Variants in CEP350 observed in about 807,000 individuals in gnomAD.
CEP350 encodes centrosome-associated protein 350.
CEP350 carries 126 observed loss-of-function variants against 331.8 expected under a neutral mutation model. The ratio of observed to expected loss-of-function variants is 0.38; its 90% CI spans 0.33 to 0.44. The LOEUF is 0.44. Among genes scored for constraint, CEP350 ranks in the 20% least tolerant of loss-of-function variants. CEP350 has a pLI of 1.00. For missense variants in CEP350, 3,406 were observed against 3,634.6 expected, an observed-to-expected ratio of 0.94 and a Z score of 1.62; for synonymous variants, 1,200 against 1,259.5, an observed-to-expected ratio of 0.95 and a Z score of 1.00.
At chr1:180,072,500 A>T (rs576111767) in intron 27 of CEP350, among the ~76,000 whole-genome samples, 1 of 152,282 alleles carries the variant, frequency 6.6e-6, no homozygotes, top group South Asian at 2.1e-4. Context: ...TAATATTTTG[A>T]TAATTGGCAT....
intron 13 of CEP350, among the ~76,000 whole-genome samples, chr1:180,023,108 G>A (rs187321828): frequency 6.6e-6 from 1 of 152,110 alleles, no homozygotes; most frequent in East Asian, 1.9e-4. Flanking sequence ...GTAAAATGGG[G>A]ACATTAATAG....
intron 1 of CEP350, among the ~76,000 whole-genome samples, chr1:179,965,636 T>TC (rs1444432801): frequency 2.1e-5 from 3 of 142,382 alleles, no homozygotes; most frequent in Non-Finnish European, 4.6e-5. Flanking sequence ...TTTTTTTTTT[T>TC]TGAGATAGAG....
intron 6 of CEP350, among the ~76,000 whole-genome samples, chr1:180,002,572 A>G (rs948792197): frequency 2.0e-5 from 3 of 152,202 alleles, no homozygotes; most frequent in African/African-American, 4.8e-5. Context: ...TTAAACATAG[A>G]GTTACTGTAT....
intron 4 of CEP350, 135 bp downstream of exon 4, chr1:179,990,756 TG>T (rs1652996150): frequency 2.1e-6 from 1 of 473,126 alleles, no homozygotes; most frequent in Non-Finnish European, 3.7e-6. Flanking sequence ...GAAGTCTCTC[TG>T]TGCTGCCCCA....
At chr1:180,041,836 TC>T (rs1656780001) in intron 19 of CEP350, 34 bp downstream of exon 19, 1 of 1,584,368 alleles carries the variant, frequency 6.3e-7, no homozygotes, top group Non-Finnish European at 8.6e-7. Flanking sequence ...TCTTTTTACT[TC>T]TTTTTAGTCA....
chr1:180,080,556 T>C lies in CEP350; in HGVS notation c.6019T>C (p.Ser2007Pro). 6.2e-7 allele frequency: 1 copy of C among 1,613,662 alleles called. No homozygotes were observed. The change falls in exon 30 of 38, where the codon TCT becomes CCT. Residue 2007 changes from serine to proline, a missense_variant. Ser to Pro is a moderately conservative substitution (Grantham distance 74). Around this residue, in one of 5 missense-constraint regions of CEP350, gnomAD observed 1,415 missense variants for 1,512.3 expected, o/e 0.94. Coordinates refer to ENST00000367607, the MANE Select transcript of CEP350 (RefSeq NM_014810.5). ...KSCTSVSKQE[S>P]SKGSHRTGGQ... ...CTGCACATCTGTGTCAAAGCAGGAG[T>C]CTAGCAAAGGAAGTCATAGGACTGG... is the stretch of plus-strand genomic sequence containing the variant.
chr1:180,052,258 C>T (rs1170063528), intron 22 of CEP350: 5 of 451,616 alleles, frequency 1.1e-5, no homozygotes, highest in Admixed American at 2.4e-5. Flanking sequence ...AGGCTGGTCT[C>T]GAACTCCTGG....
At chr1:179,976,908 A>G (rs1044086508) in intron 1 of CEP350, among the ~76,000 whole-genome samples, 1 of 152,218 alleles carries the variant, frequency 6.6e-6, no homozygotes, top group Non-Finnish European at 1.5e-5. Flanking sequence ...GCAAGAGCAG[A>G]AAATGAGGTA....
intron 32 of CEP350, among the ~76,000 whole-genome samples, chr1:180,089,891 C>G (rs913117096): frequency 1.3e-5 from 2 of 152,038 alleles, no homozygotes; most frequent in Non-Finnish European, 2.9e-5. Flanking sequence ...AAATGGGAGC[C>G]AGGTACTCAA....
At chr1:180,005,270 C>A (rs1654180728) in intron 7 of CEP350, among the ~76,000 whole-genome samples, 1 of 151,984 alleles carries the variant, frequency 6.6e-6, no homozygotes, top group South Asian at 2.1e-4. Context: ...CTTAATATAT[C>A]CAAAATGGAA....
chr1:180,006,641 A>T lies in CEP350; in HGVS notation c.1246+74A>T. On this transcript the variant is annotated intron_variant, in intron 8 of 37. Coordinates refer to ENST00000367607, the MANE Select transcript of CEP350 (RefSeq NM_014810.5). ...TTTTCATTATACTTTAAGTTTTGGG[A>T]TACATGTGCAGAACGTGCAGGTTTG... The T allele has an allele frequency of 5.1e-6, 4 of 786,754 alleles. No individual in the cohort carries two copies. The South Asian group carries it at 6.1e-5, about 12-fold the overall frequency. The allele number at this position is 786,754 out of a possible 1,614,324, so 48.7% of individuals were successfully genotyped here. A position where few individuals can be genotyped will look rare whatever the true frequency, so the allele number is the denominator to read the frequency against.
At chr1:180,099,166 T>G (rs1482692674) in intron 37 of CEP350, among the ~76,000 whole-genome samples, 181 bp downstream of exon 37, 1 of 152,200 alleles carries the variant, frequency 6.6e-6, no homozygotes, top group Non-Finnish European at 1.5e-5. Flanking sequence ...TTGTACTCAG[T>G]AGATGAACAT....
intron 23 of CEP350, 50 bp downstream of exon 23, chr1:180,053,216 CAAAG>C: frequency 2.2e-6 from 2 of 913,280 alleles, no homozygotes; most frequent in Non-Finnish European, 3.1e-6. Flanking sequence ...TATGTTCTCT[CAAAG>C]ATATGAGAAA....
intron 1 of CEP350, among the ~76,000 whole-genome samples, chr1:179,967,360 C>T (rs1240795026): frequency 6.6e-6 from 1 of 152,056 alleles, no homozygotes; most frequent in African/African-American, 2.4e-5. Flanking sequence ...AAAACTATAT[C>T]TAAAAATCAG....
At chr1:180,004,906 G>GCTTGCTTGCTTTCTTTCTTTCTTTCTTT (rs1363516834) in intron 7 of CEP350, among the ~76,000 whole-genome samples, 114 of 130,858 alleles carry the variant, frequency 8.7e-4, no homozygotes, top group Middle Eastern at 3.9e-3. Context: ...TTGCTTGCTT[G>GCTTGCTTGCTTTCTTTCTTTCTTTCTTT]CTTTCTTTCT....
At chr1:180,058,044 G>A (rs181313575) in intron 25 of CEP350, among the ~76,000 whole-genome samples, 6 of 152,290 alleles carry the variant, frequency 3.9e-5, no homozygotes, top group Admixed American at 2.6e-4. Flanking sequence ...TAACCACTTT[G>A]AGTTGAGAGC....
At chr1:180,071,817 C>T (rs1415879644) in intron 27 of CEP350, among the ~76,000 whole-genome samples, 1 of 152,048 alleles carries the variant, frequency 6.6e-6, no homozygotes, top group Non-Finnish European at 1.5e-5. Flanking sequence ...TCATTAATTC[C>T]TTAAGTTCAA....
intron 15 of CEP350, 121 bp from the exon 16 acceptor site, chr1:180,033,741 A>T (rs1196344025): frequency 1.0e-6 from 1 of 990,328 alleles, no homozygotes; most frequent in Non-Finnish European, 1.5e-6. Context: ...ATAAATGCCT[A>T]AATCACAACT....
At chr1:180,004,894 GCTTGCTTGCTTGCTTTCTTTCTTTCTTT>G (rs1170077956) in intron 7 of CEP350, among the ~76,000 whole-genome samples, 5 of 59,948 alleles carry the variant, frequency 8.3e-5, no homozygotes, top group East Asian at 7.4e-4. Context: ...TTGCTTGCTT[GCTTGCTTGCTTGCTTTCTTTCTTTCTTT>G]CTTTCTTTCT....
Sources: gnomAD v4.1 joint callset for allele counts (sites outside exome capture counted in the v4.1 genomes callset) on GRCh38, gnomAD v4.1.1 for gene constraint, gnomAD v4.1.1 regional missense constraint, MANE v1.5 for transcripts, NCBI Gene and HGNC (gene_info 2026-07-23, HGNC 2026-07-21) for gene names.